COBLL1: variants seen among roughly 807,000 people sequenced by gnomAD.
COBLL1 encodes the protein cordon-bleu protein-like 1.
A neutral mutation model predicts 94.8 loss-of-function variants in COBLL1; 50 were observed. The ratio of observed to expected loss-of-function variants is 0.53; its 90% CI spans 0.42 to 0.67. The LOEUF (loss-of-function observed/expected upper bound fraction) is 0.67, where lower values mean the gene tolerates loss of function less well. COBLL1 is among the 30% of genes least tolerant of loss of function. The probability of loss-of-function intolerance (pLI) is 0.00; values close to 1 mark genes in which losing one functional copy is unlikely to be tolerated. For synonymous variants in COBLL1, 448 were observed against 473.8 expected, an observed-to-expected ratio of 0.95 and a Z score of 0.71; for missense variants, 1,362 against 1,348.7, an observed-to-expected ratio of 1.01 and a Z score of -0.15.
At chr2:164,836,696 A>C (rs1029465061) in intron 2 of COBLL1, among the ~76,000 whole-genome samples, 66 of 152,362 alleles carry the variant, frequency 4.3e-4, no homozygotes, top group African/African-American at 1.5e-3. Flanking sequence ...AAGGCAAAAT[A>C]ATGCTAAAGT....
Position 164,766,382 on chromosome 2 carries a change from T to C in COBLL1, c.42-22507A>G, listed in dbSNP as rs987465236. Among the ~76,000 whole-genome samples, 10 of 152,172 alleles carry C rather than the reference T, an allele frequency of 6.6e-5. No homozygotes were observed. The South Asian group carries it at 8.3e-4, about 13-fold the overall frequency. Reference sequence around the variant, plus strand: ...TGGAGCCAGATGGGAGGTGACTGAATCATGGGGGTGGATTTCCCCTTAGTG... The same window carrying C: ...TGGAGCCAGATGGGAGGTGACTGAACCATGGGGGTGGATTTCCCCTTAGTG... On this transcript the variant is annotated intron_variant, in intron 2 of 13. Coordinates refer to ENST00000652658, the MANE Select transcript of COBLL1 (RefSeq NM_001365672.2).
chr2:164,809,420 A>G (rs564006246), intron 2 of COBLL1, among the ~76,000 whole-genome samples: 6 of 152,142 alleles, frequency 3.9e-5, no homozygotes, highest in South Asian at 4.1e-4. Flanking sequence ...GTTGCTATTT[A>G]TCATCCACAA....
chr2:164,773,361 A>G (rs1453765769), intron 2 of COBLL1, among the ~76,000 whole-genome samples: 1 of 152,110 alleles, frequency 6.6e-6, no homozygotes, highest in East Asian at 1.9e-4. Flanking sequence ...TTCCAGTAAG[A>G]ACATAATGAA....
chr2:164,818,732 T>A (rs1402554417), intron 2 of COBLL1, among the ~76,000 whole-genome samples: 2 of 149,018 alleles, frequency 1.3e-5, no homozygotes, highest in Non-Finnish European at 3.0e-5. Flanking sequence ...TATATGTACT[T>A]ATGTAAACAT....
chr2:164,708,128 G>A (rs73013666), intron 7 of COBLL1, among the ~76,000 whole-genome samples: 1,657 of 152,204 alleles, frequency 0.011, 33 homozygotes, highest in African/African-American at 0.038. Flanking sequence ...CGACAAGGTG[G>A]CACCAGGGAG....
At chr2:164,801,311 C>T (rs1220707369) in intron 2 of COBLL1, among the ~76,000 whole-genome samples, 1 of 150,454 alleles carries the variant, frequency 6.6e-6, no homozygotes, top group Non-Finnish European at 1.5e-5. Flanking sequence ...TGGTAGCGGG[C>T]GCCTGTAGTC....
Position 164,664,496 on chromosome 2 carries a change from T to C in COBLL1, n.181+1351A>G, listed in dbSNP as rs1691122288. ...ACTTGGGAAAGAAAGTATTTCCATA[T>C]GAATAACTCAAAAAATAAATCAACA... On this transcript the variant is annotated intron_variant and non_coding_transcript_variant, in intron 2 of 2. Transcript: ENST00000495084. 2.6e-5 allele frequency among the ~76,000 whole-genome samples: 4 copies of C among 152,302 alleles called. No individual in the cohort carries two copies. The South Asian group carries it at 8.3e-4, about 32-fold the overall frequency.
At chr2:164,767,844 T>A (rs1468980841) in intron 2 of COBLL1, among the ~76,000 whole-genome samples, 1 of 152,162 alleles carries the variant, frequency 6.6e-6, no homozygotes, top group Admixed American at 6.5e-5. Context: ...TTTTTTAAAT[T>A]ACATTATTAA....
intron 2 of COBLL1, among the ~76,000 whole-genome samples, chr2:164,744,629 G>A (rs965296209): frequency 2.0e-5 from 3 of 152,160 alleles, no homozygotes; most frequent in Admixed American, 2.0e-4. Flanking sequence ...AGTCCAGCCT[G>A]CGCAACATGG....
chr2:164,668,900 G>C (rs1243008888), intron 1 of COBLL1, among the ~76,000 whole-genome samples: 1 of 152,114 alleles, frequency 6.6e-6, no homozygotes, highest in Non-Finnish European at 1.5e-5. Context: ...TATTGCCTTA[G>C]GATAAATTCC....
At chr2:164,771,536 G>C (rs537553610) in intron 2 of COBLL1, among the ~76,000 whole-genome samples, 12 of 152,088 alleles carry the variant, frequency 7.9e-5, no homozygotes, top group African/African-American at 2.6e-4. Context: ...ACCTCAACTA[G>C]AATTATAAAT....
At chr2:164,659,799 T>C (rs1212056528) in intron 2 of COBLL1, among the ~76,000 whole-genome samples, 2 of 152,284 alleles carry the variant, frequency 1.3e-5, no homozygotes, top group East Asian at 3.9e-4. Flanking sequence ...CTTTTATTGA[T>C]CATTTTTCTC....
chr2:164,760,868 G>GTA (rs1482799376), intron 2 of COBLL1, among the ~76,000 whole-genome samples: 1 of 152,100 alleles, frequency 6.6e-6, no homozygotes, highest in Non-Finnish European at 1.5e-5. Flanking sequence ...AAGTAAACCT[G>GTA]TATACAGGGT....
chr2:164,819,937 T>C (rs1685078108), intron 2 of COBLL1, among the ~76,000 whole-genome samples: 2 of 150,880 alleles, frequency 1.3e-5, no homozygotes, highest in African/African-American at 4.9e-5. Flanking sequence ...GCAATTCTCG[T>C]GCCTCAGCCT....
downstream of COBLL1, among the ~76,000 whole-genome samples, chr2:164,679,422 TG>T (rs1182233952): frequency 6.6e-6 from 1 of 151,940 alleles, no homozygotes; most frequent in Non-Finnish European, 1.5e-5. Flanking sequence ...AGGTACTCAT[TG>T]CAAAGGAAAA....
At position 164,683,650 on chromosome 2, in the gene COBLL1, C is replaced by T. The variant is rs1326663192; in HGVS notation, c.*2296G>A. The T allele has an allele frequency of 6.6e-6, 1 of 152,058 alleles. No homozygotes were observed. The highest frequency in any genetic ancestry group is 2.4e-5 in the African/African-American group (1 of 41,426). The allele number at this position is 152,058 out of a possible 1,614,324, so 9.4% of individuals were successfully genotyped here. ...TTTCTTGGTTCCCACAGGTAACCACCAGCAAATTTTTTTCCTACATATACA... is the reference window on the plus strand; with the variant it reads ...TTTCTTGGTTCCCACAGGTAACCACTAGCAAATTTTTTTCCTACATATACA... On this transcript the variant is annotated 3_prime_UTR_variant, in exon 14 of 14. Coordinates refer to ENST00000652658, the MANE Select transcript of COBLL1 (RefSeq NM_001365672.2).
chr2:164,707,404 G>A (rs1186360073), intron 7 of COBLL1, among the ~76,000 whole-genome samples: 2 of 152,180 alleles, frequency 1.3e-5, no homozygotes, highest in African/African-American at 4.8e-5. Flanking sequence ...GCCTCCCAAA[G>A]TGATGGGATT....
At chr2:164,790,316 T>C (rs1051475031) in intron 2 of COBLL1, among the ~76,000 whole-genome samples, 6 of 152,136 alleles carry the variant, frequency 3.9e-5, no homozygotes, top group Non-Finnish European at 5.9e-5. Flanking sequence ...CTTCCTGCCT[T>C]GCACCCTGAG....
chr2:164,836,225 GA>G (rs934478867), intron 2 of COBLL1, among the ~76,000 whole-genome samples: 1 of 151,932 alleles, frequency 6.6e-6, no homozygotes, highest in Non-Finnish European at 1.5e-5. Context: ...GTCATATGAT[GA>G]AAAAAACTGC....
Sources: allele counts gnomAD v4.1 joint callset (sites outside exome capture counted in the v4.1 genomes callset), GRCh38; gene constraint gnomAD v4.1.1; transcripts MANE v1.5; gene names NCBI Gene and HGNC (gene_info 2026-07-23, HGNC 2026-07-21).